The following ALDH7A1 variants were observed in gnomAD, a reference collection of about 807,000 sequenced individuals.
ALDH7A1 encodes the protein alpha-aminoadipic semialdehyde dehydrogenase.
ALDH7A1 carries 63 observed loss-of-function variants against 79.9 expected under a neutral mutation model. The observed-to-expected ratio is 0.79, with a 90% CI of 0.64 to 0.97. The LOEUF is 0.97. Ranked by LOEUF, ALDH7A1 falls within the 50% of genes least tolerant of loss-of-function variation. ALDH7A1 has a pLI of 0.00. For synonymous variants in ALDH7A1, 240 were observed against 231.2 expected (o/e 1.04, Z -0.34); for missense variants, 627 against 665.2 (o/e 0.94, Z 0.63).
Position 126,575,408 on chromosome 5 carries a change from A to G in ALDH7A1, c.695+12T>C. 1 of 1,613,008 alleles carries G rather than the reference A, an allele frequency of 6.2e-7. No homozygotes were observed. Among genetic ancestry groups the G allele is most frequent in the Non-Finnish European group, 8.5e-7 (1 of 1,179,418 alleles). On this transcript the variant is annotated intron_variant, in intron 7 of 17. Coordinates refer to ENST00000409134, the MANE Select transcript of ALDH7A1 (RefSeq NM_001182.5). ...TTCCATACCCAGGAAAAAGAAAGCC[A>G]CATGTACTTACTTTGTGACAGCCAC...
chr5:126,571,153 T>TC, intron 7 of ALDH7A1: 2 of 108,492 alleles, frequency 1.8e-5, no homozygotes, highest in Non-Finnish European at 3.1e-5. Flanking sequence ...TTAGCAGATT[T>TC]TTTTTTTTTT....
At position 126,559,334 on chromosome 5, in the gene ALDH7A1, G is replaced by T. The variant is rs141775154; in HGVS notation, c.914C>A (p.Ala305Asp). 1.2e-6 allele frequency: 2 copies of T among 1,613,180 alleles called. No individual in the cohort carries two copies. Among genetic ancestry groups the T allele is most frequent in the African/African-American group, 1.3e-5 (1 of 75,008 alleles). The change falls in exon 11 of 18, where the codon GCC (alanine) becomes GAC (aspartate). Residue 305 changes from alanine to aspartate, a missense_variant and splice_region_variant. Transcript: ENST00000409134. ...TAAGCTGAGGTCTGCATCTTCAAAGGCTTAGGAAAGCACAAACACTTCCAT... is the reference window on the plus strand; with the variant it reads ...TAAGCTGAGGTCTGCATCTTCAAAGTCTTAGGAAAGCACAAACACTTCCAT... ...LELGGNNAII[A>D]FEDADLSLVV...
intron 9 of ALDH7A1, among the ~76,000 whole-genome samples, chr5:126,565,765 TAGG>T (rs1276345512): frequency 2.0e-5 from 3 of 152,212 alleles, no homozygotes; most frequent in Admixed American, 6.6e-5. Context: ...TGTCTTTGCA[TAGG>T]AGATGTAGTA....
intron 3 of ALDH7A1, among the ~76,000 whole-genome samples, chr5:126,591,081 G>A (rs1751537846): frequency 6.6e-6 from 1 of 151,814 alleles, no homozygotes; most frequent in Admixed American, 6.6e-5. Flanking sequence ...GGGGTAAGGG[G>A]ACTAAATTTG....
intron 8 of ALDH7A1, chr5:126,568,599 G>A: frequency 2.0e-6 from 1 of 506,690 alleles, no homozygotes; most frequent in Non-Finnish European, 3.6e-6. Context: ...AGAGGAAGTT[G>A]TTAGGGAAGA....
Position 126,542,698 on chromosome 5 carries a change from G to A in ALDH7A1, c.*2267C>T, listed in dbSNP as rs184630563. 2.6e-5 allele frequency: 4 copies of A among 152,288 alleles called. No individual in the cohort carries two copies. Among genetic ancestry groups the A allele is most frequent in the Non-Finnish European group, 5.9e-5 (4 of 68,144 alleles). 9.4% of individuals were successfully genotyped at this position (152,288 alleles called of 1,614,324 possible). The stretch of plus-strand genomic sequence containing the variant: ...TTCTGTGGTTGCAGAGCAAGAGAGA[G>A]AGGAGGCTTAACAGATTCCCACCCT... On this transcript the variant is annotated 3_prime_UTR_variant, in exon 18 of 18. Transcript: ENST00000409134.
chr5:126,570,712 T>C, intron 8 of ALDH7A1, 70 bp downstream of exon 8: 5 of 1,402,058 alleles, frequency 3.6e-6, no homozygotes, highest in Admixed American at 1.7e-5. Context: ...TTCATTATTC[T>C]AGTAACGATG....
chr5:126,583,918 C>T lies in ALDH7A1; in HGVS notation c.393+14G>A. The T allele has an allele frequency of 6.2e-7, 1 of 1,606,384 alleles. No individual in the cohort carries two copies. The highest frequency in any genetic ancestry group is 1.1e-5 in the South Asian group (1 of 90,940). On this transcript the variant is annotated intron_variant, in intron 4 of 17. Transcript: ENST00000409134. ...CACTCAAAGAATTGTGTATATACTA[C>T]AAAAATACTTTACCAAGCTTCCTAG...
chr5:126,568,167 G>A, intron 9 of ALDH7A1, 92 bp downstream of exon 9: 1 of 1,235,388 alleles, frequency 8.1e-7, no homozygotes. Flanking sequence ...TGCCTCCATG[G>A]AAAAGGTTGA....
At chr5:126,573,510 C>T (rs1407424183) in intron 7 of ALDH7A1, among the ~76,000 whole-genome samples, 3 of 151,796 alleles carry the variant, frequency 2.0e-5, no homozygotes, top group Non-Finnish European at 4.4e-5. Context: ...CCATCCTGGC[C>T]AACATGGTGA....
chr5:126,569,346 A>C (rs1365876958), intron 8 of ALDH7A1: 1 of 152,218 alleles, frequency 6.6e-6, no homozygotes, highest in South Asian at 2.1e-4. Flanking sequence ...CCGCTATCCT[A>C]AAGTATTCCT....
chr5:126,554,326 T>C lies in ALDH7A1; in HGVS notation c.1161A>G (p.Glu387=), dbSNP rs1283615718. 13 of 1,614,170 alleles carry C rather than the reference T, an allele frequency of 8.1e-6. No individual in the cohort carries two copies. Among genetic ancestry groups the C allele is most frequent in the African/African-American group, 1.3e-5 (1 of 75,040 alleles). ...CCACTGTGCCACCTTCTTTCTTTGC[T>C]TCTTCCACTGCTCCAAGAAACATGC... is the stretch of plus-strand genomic sequence containing the variant. ...AVSMFLGAVE[E]AKKEGGTVVY... The change falls in exon 13 of 18, where the codon GAA becomes GAG. Residue 387 remains glutamate, a synonymous_variant. Transcript: ENST00000409134.
chr5:126,590,063 G>A (rs1464914513), intron 3 of ALDH7A1, among the ~76,000 whole-genome samples: 7 of 140,716 alleles, frequency 5.0e-5, no homozygotes, highest in Non-Finnish European at 7.5e-5. Flanking sequence ...AGTGAAGAGC[G>A]CCTCTGCCCA....
rs1048201494 is a variant in ALDH7A1, at chr5:126,592,832, G to C, written c.247-103C>G. ...TCAGAAAAGAGTTGGGAAATCTCTA[G>C]GGTTCCCTAACATTTATGGCTGAGA... On this transcript the variant is annotated intron_variant, in intron 2 of 17. Transcript: ENST00000409134. 7 of 1,180,450 alleles carry C rather than the reference G, an allele frequency of 5.9e-6. No homozygotes were observed. The African/African-American group carries it at 1.1e-4, about 18-fold the overall frequency. The allele number at this position is 1,180,450 out of a possible 1,614,324, so 73.1% of individuals were successfully genotyped here.
Position 126,582,877 on chromosome 5 carries a change from A to G in ALDH7A1, c.491T>C (p.Ile164Thr), listed in dbSNP as rs747873042. 35 of 1,612,946 alleles carry G rather than the reference A, an allele frequency of 2.2e-5. No homozygotes were observed. The highest frequency in any genetic ancestry group is 3.0e-5 in the Non-Finnish European group (35 of 1,179,976). Residue 164 changes from isoleucine (I) to threonine (T), a missense_variant, in exon 5 of 18, where the codon ATT becomes ACT. By Grantham distance (89) the Ile-to-Thr change is moderately conservative (BLOSUM62 -1). Transcript: ENST00000409134. ...TTCAGAAGGCAAGATAGGTCCTCCA[A>G]TCATCCTTGATAAACCAACAGCATA... ...CDYAVGLSRM[I>T]GGPILPSERS...
At chr5:126,552,240 G>T in intron 13 of ALDH7A1, 103 bp from the exon 14 acceptor site, 1 of 804,384 alleles carries the variant, frequency 1.2e-6, no homozygotes, top group Non-Finnish European at 2.1e-6. Context: ...AAAAAAATTA[G>T]CATCATTTAT....
At chr5:126,559,996 G>A (rs957926210) in intron 10 of ALDH7A1, among the ~76,000 whole-genome samples, 27 of 151,762 alleles carry the variant, frequency 1.8e-4, no homozygotes, top group African/African-American at 5.3e-4. Flanking sequence ...CCAGGCTGGA[G>A]TGTAGTGGCA....
At chr5:126,593,641 G>T in intron 1 of ALDH7A1, 1 of 613,922 alleles carries the variant, frequency 1.6e-6, no homozygotes, top group African/African-American at 1.8e-5. Context: ...TCAATATTAG[G>T]CATATAAACA....
intron 5 of ALDH7A1, among the ~76,000 whole-genome samples, chr5:126,579,622 C>T (rs947407120): frequency 3.3e-5 from 5 of 151,258 alleles, no homozygotes; most frequent in Non-Finnish European, 7.4e-5. Flanking sequence ...CAAAGTTACC[C>T]CAAAGTCTCT....
Sources: allele counts gnomAD v4.1 joint callset (sites outside exome capture counted in the v4.1 genomes callset), GRCh38; gene constraint gnomAD v4.1.1; transcripts MANE v1.5; gene names NCBI Gene and HGNC (gene_info 2026-07-23, HGNC 2026-07-21).